Variants in IFI35 observed in about 807,000 individuals in gnomAD.
The protein encoded by IFI35 is interferon induced protein 35, also known as interferon-induced 35 kDa protein.
In IFI35, 30 loss-of-function variants were observed where a neutral mutation model predicts 28.6. The observed-to-expected ratio is 1.05, with a 90% CI of 0.79 to 1.43. IFI35 has a LOEUF of 1.43. Ranked by LOEUF, IFI35 falls within the 40% of genes most tolerant of loss-of-function variation. The pLI is 0.00. For missense variants in IFI35, 372 were observed against 356.9 expected, an observed-to-expected ratio of 1.04 and a Z score of -0.34; for synonymous variants, 146 against 154.8, an observed-to-expected ratio of 0.94 and a Z score of 0.42.
rs769757979 is a variant in IFI35, at chr17:43,013,574, C to G, written c.474C>G (p.Phe158Leu). 76 of 1,614,046 alleles carry G rather than the reference C, an allele frequency of 4.7e-5. No individual in the cohort carries two copies. The East Asian group carries it at 6.7e-4, about 14-fold the overall frequency. ...AGCTGCTGGACAAGCTAGAGATCTTCTTTGGCAAGACTAGGAACGGAGGTG... is the reference window on the plus strand; with the variant it reads ...AGCTGCTGGACAAGCTAGAGATCTTGTTTGGCAAGACTAGGAACGGAGGTG... The part of the protein sequence containing the change: ...EEELLDKLEI[F>L]FGKTRNGGGD... Residue 158 changes from phenylalanine to leucine, a missense_variant, in exon 5 of 7, where the codon TTC becomes TTG. By Grantham distance (22) the Phe-to-Leu change is conservative. Coordinates refer to ENST00000415816, the MANE Select transcript of IFI35 (RefSeq NM_001330230.2).
intron 2 of IFI35, 148 bp from the exon 3 acceptor site, chr17:43,012,899 C>A: frequency 1.2e-6 from 1 of 859,866 alleles, no homozygotes; most frequent in Non-Finnish European, 1.9e-6. Context: ...CTGTATGGAC[C>A]AGACCTGCAT....
Position 43,013,326 on chromosome 17 carries a change from C to A in IFI35, c.328C>A (p.Arg110=), listed in dbSNP as rs746463710. 41 of 1,614,086 alleles carry A rather than the reference C, an allele frequency of 2.5e-5. No homozygotes were observed. In the East Asian group the frequency reaches 7.6e-4, roughly 30 times the overall value. The change falls in exon 4 of 7, where the codon CGG becomes AGG. Residue 110 remains arginine (R), a synonymous_variant. Coordinates refer to ENST00000415816, the MANE Select transcript of IFI35 (RefSeq NM_001330230.2). ...GATCAACATGGAGGAGTGCCGGCTG[C>A]GGGTGCAGGTCCAGCCCTTGGAGCT... ...HTINMEECRL[R]VQVQPLELPM... is the part of the protein sequence containing the mutation.
chr17:43,014,097 T>C lies in IFI35; in HGVS notation c.670-11T>C. 1 of 1,612,550 alleles carries C rather than the reference T, an allele frequency of 6.2e-7. No homozygotes were observed. The highest frequency in any genetic ancestry group is 8.5e-7 in the Non-Finnish European group (1 of 1,179,306). On this transcript the variant is annotated splice_polypyrimidine_tract_variant and intron_variant, in intron 6 of 6. Coordinates refer to ENST00000415816, the MANE Select transcript of IFI35 (RefSeq NM_001330230.2). The stretch of plus-strand genomic sequence containing the variant: ...CCATGAGCCTTTGCCATCTCCTGGC[T>C]CCTTTTCCAGATCAGGTCGCAGCCA...
At position 43,013,061 on chromosome 17, in the gene IFI35, G is replaced by A. The variant is rs1453798022; in HGVS notation, c.135G>A (p.Val45=). ...CCTACTTCCAGGTCCCATTTTCAGT[G>A]CCCAAGATCCCCCTGGTATTCCGAG... The part of the protein sequence containing the change: ...DSPKDKVPFS[V]PKIPLVFRGH... The change falls in exon 3 of 7, where the codon GTG becomes GTA. Residue 45 remains valine, a synonymous_variant. Transcript: ENST00000415816. 1.6e-5 allele frequency: 26 copies of A among 1,614,032 alleles called. No individual in the cohort carries two copies. Among genetic ancestry groups the A allele is most frequent in the Non-Finnish European group, 2.1e-5 (25 of 1,179,996 alleles).
chr17:43,014,237 GC>G lies in IFI35; in HGVS notation c.802del (p.Leu268Ter). 6.2e-7 allele frequency: 1 copy of G among 1,611,222 alleles called. No individual in the cohort carries two copies. The highest frequency in any genetic ancestry group is 1.1e-5 in the South Asian group (1 of 90,716). On this transcript the variant is annotated frameshift_variant, in exon 7 of 7. Coordinates refer to ENST00000415816, the MANE Select transcript of IFI35 (RefSeq NM_001330230.2). LOFTEE classifies it high-confidence loss of function. ...KPTRGGGEVE[A>X]LTVVPQGQQG... is the part of the protein sequence containing the mutation. ...CACCCGCGGGGGCGGGGAGGTAGAG[GC>G]CCTGACAGTCGTACCCCAAGGACAG...
At chr17:43,007,847 T>TTTTATATATATATA (rs1375752219) in intron 1 of IFI35, among the ~76,000 whole-genome samples, 4,719 of 118,422 alleles carry the variant, frequency 0.04, 115 homozygotes, top group Middle Eastern at 0.057. Context: ...CACACAAAAT[T>TTTTATATATATATA]TATATATATA....
chr17:43,011,818 TC>T (rs2050460887), intron 1 of IFI35, among the ~76,000 whole-genome samples: 1 of 152,222 alleles, frequency 6.6e-6, no homozygotes, highest in Admixed American at 6.5e-5. Flanking sequence ...GATCATGTAC[TC>T]TTGAGCACTG....
chr17:43,009,584 C>T (rs1318684519), intron 1 of IFI35, among the ~76,000 whole-genome samples: 1 of 151,904 alleles, frequency 6.6e-6, no homozygotes, highest in African/African-American at 2.4e-5. Context: ...GAAACCCCAT[C>T]TCTACTAAAA....
Position 43,006,789 on chromosome 17 carries a change from AG to A in IFI35, c.-158del. 1 of 684,856 alleles carries A rather than the reference AG, an allele frequency of 1.5e-6. No homozygotes were observed. Among genetic ancestry groups the A allele is most frequent in the Non-Finnish European group, 2.6e-6 (1 of 378,428 alleles). The allele number at this position is 684,856 out of a possible 1,614,324, so 42.4% of individuals were successfully genotyped here. ...CACGGAAATGAAAGTGGAAGCAAAC[AG>A]CCTGCGAGCAGAGCCTCCTGAGGTG... is the stretch of plus-strand genomic sequence containing the variant. On this transcript the variant is annotated 5_prime_UTR_variant, in exon 1 of 7. Coordinates refer to ENST00000415816, the MANE Select transcript of IFI35 (RefSeq NM_001330230.2).
intron 6 of IFI35, 42 bp from the exon 7 acceptor site, chr17:43,014,066 C>T: frequency 1.9e-6 from 3 of 1,596,254 alleles, no homozygotes; most frequent in Non-Finnish European, 2.6e-6. Context: ...GCCCCCAGCC[C>T]TTCTCCCATG....
At chr17:43,007,229 T>G (rs904356038) in intron 1 of IFI35, among the ~76,000 whole-genome samples, 3 of 152,188 alleles carry the variant, frequency 2.0e-5, no homozygotes, top group Non-Finnish European at 2.9e-5. Flanking sequence ...CATCAGATAC[T>G]CAGCGGGTTC....
In IFI35 at chr17:43,014,190, T is replaced by TGG; in HGVS notation, c.753_754dup (p.Glu252GlyfsTer15). 3 of 1,613,934 alleles carry TGG rather than the reference T, an allele frequency of 1.9e-6. No homozygotes were observed. The South Asian group carries it at 3.3e-5, about 18-fold the overall frequency. On this transcript the variant is annotated frameshift_variant, in exon 7 of 7. Transcript: ENST00000415816. LOFTEE classifies it high-confidence loss of function. ...GATGGCCCGGAGCTGCATGACGTCC[T>TGG]GGAGATCCACTTCCAGAAGCCCACC...
Position 43,013,323 on chromosome 17 carries a change from C to T in IFI35, c.325C>T (p.Leu109=). Reference sequence around the variant, plus strand: ...CACGATCAACATGGAGGAGTGCCGGCTGCGGGTGCAGGTCCAGCCCTTGGA... The same window carrying T: ...CACGATCAACATGGAGGAGTGCCGGTTGCGGGTGCAGGTCCAGCCCTTGGA... ...EHTINMEECR[L]RVQVQPLELP... The change falls in exon 4 of 7, where the codon CTG becomes TTG. Residue 109 remains leucine, a synonymous_variant. Coordinates refer to ENST00000415816, the MANE Select transcript of IFI35 (RefSeq NM_001330230.2). 1 of 1,614,178 alleles carries T rather than the reference C, an allele frequency of 6.2e-7. No individual in the cohort carries two copies. The highest frequency in any genetic ancestry group is 8.5e-7 in the Non-Finnish European group (1 of 1,180,036).
In IFI35 at chr17:43,014,400, G is replaced by A. The variant is rs10840; in HGVS notation, c.*101G>A. The A allele has an allele frequency of 0.087, 65,018 of 745,554 alleles. 3,599 individuals carry two copies. Among genetic ancestry groups the A allele is most frequent in the African/African-American group, 0.2 (11,172 of 55,706 alleles). The allele number at this position is 745,554 out of a possible 1,614,324, so 46.2% of individuals were successfully genotyped here. A position where few individuals can be genotyped will look rare whatever the true frequency, so the allele number is the denominator to read the frequency against. On this transcript the variant is annotated 3_prime_UTR_variant, in exon 7 of 7. Coordinates refer to ENST00000415816, the MANE Select transcript of IFI35 (RefSeq NM_001330230.2). ...AGGTCTGTATGTTCACCAACAGTGC[G>A]GAGGGGTCACACATTGCAAAACACT... is the stretch of plus-strand genomic sequence containing the variant.
At chr17:43,009,278 C>T (rs1238649459) in intron 1 of IFI35, among the ~76,000 whole-genome samples, 2 of 152,122 alleles carry the variant, frequency 1.3e-5, no homozygotes, top group South Asian at 4.2e-4. Flanking sequence ...GGATTACAGG[C>T]ATGTGCCACA....
Position 43,014,218 on chromosome 17 carries a change from C to T in IFI35, c.780C>T (p.Arg260=), listed in dbSNP as rs537370701. 243 of 1,612,780 alleles carry T rather than the reference C, an allele frequency of 1.5e-4. 3 individuals are homozygous for T. Among genetic ancestry groups the T allele is most frequent in the South Asian group, 7.4e-4 (67 of 90,936 alleles). ...AGATCCACTTCCAGAAGCCCACCCG[C>T]GGGGGCGGGGAGGTAGAGGCCCTGA... ...VLEIHFQKPT[R]GGGEVEALTV... Residue 260 remains arginine (R), a synonymous_variant, in exon 7 of 7, where the codon CGC becomes CGT. Coordinates refer to ENST00000415816, the MANE Select transcript of IFI35 (RefSeq NM_001330230.2).
chr17:43,007,084 G>A, intron 1 of IFI35, 116 bp downstream of exon 1: 1 of 1,121,010 alleles, frequency 8.9e-7, no homozygotes, highest in South Asian at 1.2e-5. Flanking sequence ...TCTCAGACCT[G>A]CTGAAGGGCT....
At position 43,013,904 on chromosome 17, in the gene IFI35, CAG is replaced by C. The variant is rs765111811; in HGVS notation, c.669+23_669+24del. The C allele has an allele frequency of 3.2e-5, 49 of 1,531,620 alleles. No homozygotes were observed. The Admixed American group carries it at 9.5e-4, about 30-fold the overall frequency. The allele number at this position is 1,531,620 out of a possible 1,614,324, so 94.9% of individuals were successfully genotyped here. ...TGAGGTAAGCAGGAGGGGTGAAGAA[CAG>C]GGGCTGGGCTGGGTAACCTGTCTGC... On this transcript the variant is annotated intron_variant, in intron 6 of 6. Coordinates refer to ENST00000415816, the MANE Select transcript of IFI35 (RefSeq NM_001330230.2).
At chr17:43,011,483 C>T (rs1300216230) in intron 1 of IFI35, among the ~76,000 whole-genome samples, 1 of 151,888 alleles carries the variant, frequency 6.6e-6, no homozygotes, top group Non-Finnish European at 1.5e-5. Flanking sequence ...CGCGCCACTG[C>T]ACCCCAGCCT....
Sources: allele counts gnomAD v4.1 joint callset (sites outside exome capture counted in the v4.1 genomes callset), GRCh38; gene constraint gnomAD v4.1.1; transcripts MANE v1.5; gene names NCBI Gene and HGNC (gene_info 2026-07-23, HGNC 2026-07-21).